MICAL2: variants seen among roughly 807,000 people sequenced by gnomAD.
MICAL2 encodes the protein microtubule associated monooxygenase, calponin and LIM domain containing 2, also known as [F-actin]-monooxygenase MICAL2.
MICAL2 carries 77 observed loss-of-function variants against 127.3 expected under a neutral mutation model. The observed-to-expected ratio is 0.60, with a 90% CI of 0.50 to 0.73. MICAL2 has a LOEUF of 0.73. Ranked by LOEUF, MICAL2 falls within the 30% of genes least tolerant of loss-of-function variation. The pLI is 0.00. For synonymous variants in MICAL2, 570 were observed against 551.1 expected (o/e 1.03, Z -0.48); for missense variants, 1,351 against 1,434.4 (o/e 0.94, Z 0.94).
intron 29 of MICAL2, among the ~76,000 whole-genome samples, chr11:12,311,308 T>G (rs1382512855): frequency 6.6e-6 from 1 of 152,186 alleles, no homozygotes; most frequent in Non-Finnish European, 1.5e-5. Flanking sequence ...TTGAATTTAC[T>G]AATTATTTTT....
chr11:12,170,825 G>T (rs907377717), intron 3 of MICAL2, among the ~76,000 whole-genome samples: 1 of 152,172 alleles, frequency 6.6e-6, no homozygotes, highest in Admixed American at 6.5e-5. Context: ...TGATGGCTTT[G>T]TCTCTTTTGA....
intron 32 of MICAL2, among the ~76,000 whole-genome samples, chr11:12,330,900 A>AGAGAGAGTGTGTGTGT (rs1238311364): frequency 4.2e-5 from 5 of 119,446 alleles, no homozygotes; most frequent in Middle Eastern, 4.1e-3. Flanking sequence ...AGAGAGAGAG[A>AGAGAGAGTGTGTGTGT]GTGTGTGTGT....
At chr11:12,280,186 C>T (rs947330172) in intron 1 of MICAL2, among the ~76,000 whole-genome samples, 2 of 152,172 alleles carry the variant, frequency 1.3e-5, no homozygotes, top group East Asian at 3.9e-4. Flanking sequence ...TTTCCATTCC[C>T]TCATCCATTC....
chr11:12,313,913 A>G (rs1310233850), intron 29 of MICAL2, among the ~76,000 whole-genome samples: 1 of 145,500 alleles, frequency 6.9e-6, no homozygotes, highest in Admixed American at 6.8e-5. Context: ...GATAATCACT[A>G]AATGTCCCTG....
chr11:12,248,472 T>C (rs1377949208), intron 21 of MICAL2, among the ~76,000 whole-genome samples: 1 of 152,218 alleles, frequency 6.6e-6, no homozygotes, highest in Non-Finnish European at 1.5e-5. Flanking sequence ...TATTGGCTGC[T>C]GGCTGTTTGC....
intron 3 of MICAL2, among the ~76,000 whole-genome samples, chr11:12,180,673 A>G (rs1857347770): frequency 6.6e-6 from 1 of 152,068 alleles, no homozygotes; most frequent in Admixed American, 6.6e-5. Context: ...TTTACAGATG[A>G]GGAAACTGAG....
intron 2 of MICAL2, among the ~76,000 whole-genome samples, chr11:12,140,422 A>T (rs1340625750): frequency 6.6e-6 from 1 of 151,526 alleles, no homozygotes; most frequent in Non-Finnish European, 1.5e-5. Flanking sequence ...CTAAACTCCA[A>T]CCATAGTAAA....
rs1856668976 is a variant in MICAL2 at position 12,220,317 on chromosome 11, C to A, written c.1065C>A (p.Asp355Glu). 1 of 1,614,118 alleles carries A rather than the reference C, an allele frequency of 6.2e-7. No homozygotes were observed. The highest frequency in any genetic ancestry group is 1.3e-5 in the African/African-American group (1 of 74,940). ...CCAACTACCAGCTGCCATCCTTAGA[C>A]TTTGCCATGAACCACTATGGGCAGC... ...FATNYQLPSL[D>E]FAMNHYGQPD... The change falls in exon 9 of 28, where the codon GAC becomes GAA. Residue 355 changes from aspartate to glutamate, a missense_variant. Around this residue, in one of 2 missense-constraint regions of MICAL2, gnomAD observed 599 missense variants for 714.9 expected, o/e 0.84. Transcript: ENST00000683283.
intron 1 of MICAL2, among the ~76,000 whole-genome samples, chr11:12,129,058 A>AAC (rs1196918919): frequency 1.3e-5 from 2 of 152,190 alleles, no homozygotes. Context: ...ATCATTCTGT[A>AAC]ACACATTCTG....
chr11:12,242,435 G>A lies in MICAL2; in HGVS notation c.2556+3G>A, dbSNP rs747842271. On this transcript the variant is annotated splice_donor_region_variant and intron_variant, in intron 19 of 27. Coordinates refer to ENST00000683283, the MANE Select transcript of MICAL2 (RefSeq NM_001282663.2). ...AAGTGGAGGAAAAGATTCTCCAGGT[G>A]AGAGACTCACTTTTTGCCCGTCTCT... The A allele has an allele frequency of 2.5e-6, 4 of 1,597,316 alleles. No homozygotes were observed. The highest frequency in any genetic ancestry group is 3.4e-6 in the Non-Finnish European group (4 of 1,170,062).
At chr11:12,261,594 A>G (rs538166968) in intron 26 of MICAL2, 29 of 985,106 alleles carry the variant, frequency 2.9e-5, no homozygotes, top group Non-Finnish European at 3.5e-5. Context: ...AGTTATCACT[A>G]GAGATGCCTC....
chr11:12,268,151 C>T (rs547537306), downstream of MICAL2, among the ~76,000 whole-genome samples: 1 of 152,348 alleles, frequency 6.6e-6, no homozygotes, highest in East Asian at 1.9e-4. Context: ...CAGCATGGTT[C>T]AGGAGGGAGA....
rs77295327 is a variant in MICAL2 at position 12,169,040 on chromosome 11, A to T, written c.264+6621A>T. ...ATTTGAGCCTAAGCCAAGCTAATTT[A>T]AAAAAAAAGGAAAGAAAATTTAGTG... On this transcript the variant is annotated intron_variant, in intron 3 of 27. Coordinates refer to ENST00000683283, the MANE Select transcript of MICAL2 (RefSeq NM_001282663.2). Among the ~76,000 whole-genome samples, 1,182 of 150,680 alleles carry T rather than the reference A, an allele frequency of 7.8e-3. 9 individuals are homozygous for T. Among genetic ancestry groups the T allele is most frequent in the African/African-American group, 0.02 (801 of 41,068 alleles).
At chr11:12,358,553 G>A, downstream of MICAL2, 3 of 1,417,158 alleles carry the variant, frequency 2.1e-6, no homozygotes. Context: ...ACCCTCATGG[G>A]TCTTTCTGCA....
chr11:12,310,817 C>G (rs79251640), intron 29 of MICAL2, among the ~76,000 whole-genome samples: 5,211 of 151,952 alleles, frequency 0.034, 172 homozygotes, highest in Admixed American at 0.1. Flanking sequence ...AGACTTCTTT[C>G]CATGTTTTGG....
chr11:12,120,916 C>T (rs549050036), intron 1 of MICAL2, among the ~76,000 whole-genome samples: 1 of 152,334 alleles, frequency 6.6e-6, no homozygotes, highest in Admixed American at 6.5e-5. Context: ...AGCTGCCATT[C>T]CCCTGGACTG....
intron 24 of MICAL2, among the ~76,000 whole-genome samples, chr11:12,270,159 A>G (rs1226083796): frequency 2.6e-5 from 4 of 152,156 alleles, no homozygotes; most frequent in African/African-American, 9.7e-5. Context: ...GCCTGCCACA[A>G]GCATCTTCCT....
At chr11:12,160,433 G>A (rs942167394) in intron 2 of MICAL2, among the ~76,000 whole-genome samples, 1 of 152,034 alleles carries the variant, frequency 6.6e-6, no homozygotes, top group Non-Finnish European at 1.5e-5. Flanking sequence ...CACTGGAGAG[G>A]CCAGTCCCCC....
intron 3 of MICAL2, among the ~76,000 whole-genome samples, chr11:12,181,252 C>T (rs759370119): frequency 3.9e-5 from 6 of 152,162 alleles, no homozygotes; most frequent in Non-Finnish European, 7.3e-5. Context: ...CCTATTCTTA[C>T]ATTTATTTTC....
Sources: allele counts gnomAD v4.1 joint callset (sites outside exome capture counted in the v4.1 genomes callset), GRCh38; gene constraint gnomAD v4.1.1; regional missense constraint gnomAD v4.1.1; transcripts MANE v1.5; gene names NCBI Gene and HGNC (gene_info 2026-07-23, HGNC 2026-07-21).